Variants in MRO observed in about 807,000 individuals in gnomAD.
MRO encodes maestro.
A neutral mutation model predicts 31.0 loss-of-function variants in MRO; 28 were observed. That is an observed-to-expected ratio of 0.90 (90% CI 0.67 to 1.24). The LOEUF is 1.24. MRO is among the 50% of genes most tolerant of loss of function. The pLI, the probability that MRO is intolerant of heterozygous loss-of-function variation, is 0.00. For synonymous variants in MRO, 108 were observed against 108.4 expected, an observed-to-expected ratio of 1.00 and a Z score of 0.02; for missense variants, 332 against 289.2, an observed-to-expected ratio of 1.15 and a Z score of -1.07.
At chr18:50,800,465 G>A (rs1055338594) in intron 6 of MRO, among the ~76,000 whole-genome samples, 1 of 152,214 alleles carries the variant, frequency 6.6e-6, no homozygotes, top group Non-Finnish European at 1.5e-5. Flanking sequence ...TTGGTAGAAA[G>A]CTTTGCTCCC....
upstream of MRO, among the ~76,000 whole-genome samples, chr18:50,820,540 A>T (rs1427970961): frequency 6.6e-6 from 1 of 152,256 alleles, no homozygotes; most frequent in Non-Finnish European, 1.5e-5. Context: ...TATATTTTCA[A>T]AGACAGAGGC....
chr18:50,802,263 T>G lies in MRO; in HGVS notation c.430-759A>C, dbSNP rs551280630. On this transcript the variant is annotated intron_variant, in intron 5 of 7. Coordinates refer to ENST00000398439, the MANE Select transcript of MRO (RefSeq NM_031939.6). ...CTATCTGCAGTGGATATAATAATCA[T>G]GTTTCTTCCCCCAACACCCTCCCAC... 4.6e-5 allele frequency among the ~76,000 whole-genome samples: 7 copies of G among 152,314 alleles called. No individual in the cohort carries two copies. The East Asian group carries it at 1.3e-3, about 29-fold the overall frequency.
At chr18:50,813,481 C>A (rs778439923) in intron 2 of MRO, among the ~76,000 whole-genome samples, 1 of 152,350 alleles carries the variant, frequency 6.6e-6, no homozygotes, top group Non-Finnish European at 1.5e-5. Context: ...TTAAAACACA[C>A]ATTCCCAGGC....
intron 2 of MRO, chr18:50,815,079 T>C (rs1184479245): frequency 2.0e-5 from 4 of 197,914 alleles, no homozygotes; most frequent in Admixed American, 1.9e-4. Flanking sequence ...TAATAAAAAA[T>C]AAAAAAGTTA....
At chr18:50,804,890 C>T (rs1305710704) in intron 5 of MRO, among the ~76,000 whole-genome samples, 1 of 152,000 alleles carries the variant, frequency 6.6e-6, no homozygotes, top group Non-Finnish European at 1.5e-5. Flanking sequence ...CTCCCAAGTT[C>T]AAGCGATTCT....
intron 2 of MRO, among the ~76,000 whole-genome samples, chr18:50,818,042 C>G (rs1363512787): frequency 7.1e-6 from 1 of 140,488 alleles, no homozygotes; most frequent in Non-Finnish European, 1.5e-5. Context: ...TCCCTCCTTT[C>G]TAAAACATGA....
At chr18:50,820,360 C>T (rs950442673), upstream of MRO, among the ~76,000 whole-genome samples, 1 of 152,166 alleles carries the variant, frequency 6.6e-6, no homozygotes, top group Non-Finnish European at 1.5e-5. Flanking sequence ...AAAATTAAAA[C>T]CGGGGAATTA....
chr18:50,815,039 G>A (rs1277088702), intron 2 of MRO: 1 of 164,762 alleles, frequency 6.1e-6, no homozygotes, highest in Non-Finnish European at 1.3e-5. Context: ...CCAGCTGGGT[G>A]ATAGAGCAAG....
intron 2 of MRO, among the ~76,000 whole-genome samples, chr18:50,810,696 C>T (rs1405304755): frequency 1.3e-5 from 2 of 152,122 alleles, no homozygotes; most frequent in Non-Finnish European, 2.9e-5. Flanking sequence ...TAGTACAAAC[C>T]AGCACTTCTC....
rs4940019 is a variant in MRO at position 50,806,833 on chromosome 18, C to A, written c.117G>T (p.Arg39Ser). Residue 39 changes from arginine (R) to serine (S), a missense_variant, in exon 4 of 8, where the codon AGG becomes AGT. Transcript: ENST00000398439. ...SFFSKVSWKL[R>S]FQKREPLKNV... ...TCTTCAGAGGCTCCCGCTTCTGGAA[C>A]CTCAGTTTCCAAGAGACCTGGGTGA... The A allele has an allele frequency of 6.8e-6, 11 of 1,613,830 alleles. No individual in the cohort carries two copies. The South Asian group carries it at 1.1e-4, about 16-fold the overall frequency.
At chr18:50,823,338 C>T (rs1011222020), upstream of MRO, among the ~76,000 whole-genome samples, 2 of 152,212 alleles carry the variant, frequency 1.3e-5, no homozygotes, top group African/African-American at 4.8e-5. Flanking sequence ...CAGGAAGAAG[C>T]ACTGGGGTTT....
upstream of MRO, among the ~76,000 whole-genome samples, chr18:50,822,785 T>C (rs1472862211): frequency 7.1e-6 from 1 of 140,462 alleles, no homozygotes; most frequent in African/African-American, 2.7e-5. Flanking sequence ...TAGCCACAGG[T>C]TGGGTTTAGC....
At chr18:50,799,962 T>A in intron 7 of MRO, 74 bp downstream of exon 7, 2 of 1,022,450 alleles carry the variant, frequency 2.0e-6, no homozygotes, top group South Asian at 2.8e-5. Flanking sequence ...TTTCTTGTGC[T>A]TGGCCACCTT....
chr18:50,797,190 C>T lies in MRO; in HGVS notation c.*2147G>A, dbSNP rs950888218. 1 of 152,232 alleles carries T rather than the reference C, an allele frequency of 6.6e-6. No individual in the cohort carries two copies. The highest frequency in any genetic ancestry group is 2.4e-5 in the African/African-American group (1 of 41,448). 9.4% of individuals were successfully genotyped at this position (152,232 alleles called of 1,614,324 possible). On this transcript the variant is annotated 3_prime_UTR_variant, in exon 8 of 8. Coordinates refer to ENST00000398439, the MANE Select transcript of MRO (RefSeq NM_031939.6). ...CTGGAGTAGCTTCAACAGCTCGGGT[C>T]TGGCTGGAAGGGACAACTTGTGTCA...
chr18:50,815,726 A>C (rs1157078970), intron 2 of MRO: 2 of 456,780 alleles, frequency 4.4e-6, no homozygotes, highest in South Asian at 1.7e-5. Flanking sequence ...ATGGTAACAG[A>C]AGGTTCTAAA....
Position 50,797,833 on chromosome 18 carries a change from T to A in MRO, c.*1504A>T, listed in dbSNP as rs968244927. 6.6e-6 allele frequency: 1 copy of A among 152,168 alleles called. No individual in the cohort carries two copies. The highest frequency in any genetic ancestry group is 2.4e-5 in the African/African-American group (1 of 41,426). 9.4% of individuals were successfully genotyped at this position (152,168 alleles called of 1,614,324 possible). ...GTGAGCCTGTGTCCCTCCTAAAATC[T>A]CTTGCTGTCATGTTCTTCAGATTCA... On this transcript the variant is annotated 3_prime_UTR_variant, in exon 8 of 8. Transcript: ENST00000398439.
chr18:50,800,226 C>A (rs1005522239), intron 6 of MRO, 83 bp from the exon 7 acceptor site: 7 of 966,858 alleles, frequency 7.2e-6, no homozygotes, highest in Admixed American at 4.8e-5. Flanking sequence ...GGATTGCACC[C>A]AATCTGTGGT....
intron 6 of MRO, among the ~76,000 whole-genome samples, chr18:50,800,663 T>C (rs1913207101): frequency 6.6e-6 from 1 of 151,992 alleles, no homozygotes; most frequent in Non-Finnish European, 1.5e-5. Flanking sequence ...GGTGGGTGGA[T>C]CACCTGAGGT....
At chr18:50,801,582 A>T (rs1190635853) in intron 5 of MRO, 78 bp from the exon 6 acceptor site, 2 of 1,372,890 alleles carry the variant, frequency 1.5e-6, no homozygotes, top group African/African-American at 2.9e-5. Flanking sequence ...CATCACAGCC[A>T]TCGGTCAGAA....
Sources: allele counts gnomAD v4.1 joint callset (sites outside exome capture counted in the v4.1 genomes callset), GRCh38; gene constraint gnomAD v4.1.1; transcripts MANE v1.5; gene names NCBI Gene and HGNC (gene_info 2026-07-23, HGNC 2026-07-21).